LMX1B: variants seen among roughly 807,000 people sequenced by gnomAD.
LMX1B encodes LIM homeobox transcription factor 1-beta.
A neutral mutation model predicts 51.4 loss-of-function variants in LMX1B; 12 were observed. That is an observed-to-expected ratio of 0.23 (90% CI 0.15 to 0.38). The LOEUF (loss-of-function observed/expected upper bound fraction) is 0.38, where lower values mean the gene tolerates loss of function less well. LMX1B is among the 10% of genes least tolerant of loss of function. The probability of loss-of-function intolerance (pLI) is 1.00; values close to 1 mark genes in which losing one functional copy is unlikely to be tolerated. For missense variants in LMX1B, 445 were observed against 571.1 expected, an observed-to-expected ratio of 0.78 and a Z score of 2.25; for synonymous variants, 237 against 235.4, an observed-to-expected ratio of 1.01 and a Z score of -0.06.
chr9:126,664,184 CG>C (rs972004421), intron 2 of LMX1B, among the ~76,000 whole-genome samples: 71 of 152,228 alleles, frequency 4.7e-4, no homozygotes, highest in African/African-American at 1.5e-3. Context: ...CTGAGGCTGT[CG>C]GGGGGGTCTC....
chr9:126,683,544 C>G (rs1322896754), intron 2 of LMX1B, among the ~76,000 whole-genome samples: 1 of 152,128 alleles, frequency 6.6e-6, no homozygotes, highest in Non-Finnish European at 1.5e-5. Context: ...TGTCTAGGGT[C>G]CTGTCGCCTA....
intron 2 of LMX1B, among the ~76,000 whole-genome samples, chr9:126,632,998 G>A (rs1438598260): frequency 6.6e-6 from 1 of 152,222 alleles, no homozygotes; most frequent in Non-Finnish European, 1.5e-5. Flanking sequence ...ATTCCCACAT[G>A]TCCCAGACAC....
intron 2 of LMX1B, among the ~76,000 whole-genome samples, chr9:126,678,329 C>CAAAAAAA (rs942985684): frequency 6.8e-5 from 8 of 117,822 alleles, no homozygotes; most frequent in East Asian, 2.2e-4. Context: ...AAACAAAAAA[C>CAAAAAAA]AAAAAAAAAA....
At chr9:126,674,503 C>A (rs1322585955) in intron 2 of LMX1B, among the ~76,000 whole-genome samples, 1 of 152,200 alleles carries the variant, frequency 6.6e-6, no homozygotes, top group East Asian at 1.9e-4. Flanking sequence ...TCTTGGTCAT[C>A]AGAGAGCCTG....
intron 2 of LMX1B, among the ~76,000 whole-genome samples, chr9:126,681,573 GCC>G (rs35980483): frequency 1.3e-5 from 2 of 151,632 alleles, no homozygotes; most frequent in Non-Finnish European, 2.9e-5. Context: ...CTAACCCGGT[GCC>G]CCCCCTACAG....
At chr9:126,682,156 G>C (rs1453636562) in intron 2 of LMX1B, among the ~76,000 whole-genome samples, 2 of 136,122 alleles carry the variant, frequency 1.5e-5, no homozygotes, top group Non-Finnish European at 3.0e-5. Flanking sequence ...TCAAACTCCT[G>C]GGCTCAAGCA....
intron 2 of LMX1B, among the ~76,000 whole-genome samples, chr9:126,684,528 G>T (rs532686372): frequency 6.6e-6 from 1 of 152,198 alleles, no homozygotes; most frequent in Non-Finnish European, 1.5e-5. Context: ...GAGAAGGGAT[G>T]TGAATCACCC....
At position 126,658,220 on chromosome 9, in the gene LMX1B, G is replaced by A. The variant is rs1180799919; in HGVS notation, c.327-32616G>A. On this transcript the variant is annotated intron_variant, in intron 2 of 7. Transcript: ENST00000373474. The surrounding 1 kb of genome is among the most constrained non-coding windows in gnomAD (Gnocchi z 4.0). ...TTGTAGGAGTGGGACAGGGCAGGAG[G>A]GGGGTGAGTCTACAAAGGGTACCAA... is the stretch of plus-strand genomic sequence containing the variant. 1.3e-5 allele frequency among the ~76,000 whole-genome samples: 2 copies of A among 152,060 alleles called. No homozygotes were observed. Among genetic ancestry groups the A allele is most frequent in the Non-Finnish European group, 2.9e-5 (2 of 68,000 alleles).
At chr9:126,665,865 G>A (rs1431068557) in intron 2 of LMX1B, among the ~76,000 whole-genome samples, 3 of 151,996 alleles carry the variant, frequency 2.0e-5, no homozygotes, top group Non-Finnish European at 4.4e-5. Context: ...CAAGGCCAGC[G>A]TGGGCCCTCC....
At chr9:126,687,941 C>T (rs745754197) in intron 2 of LMX1B, among the ~76,000 whole-genome samples, 8 of 152,158 alleles carry the variant, frequency 5.3e-5, no homozygotes, top group South Asian at 2.1e-4. Context: ...CTCCCATACA[C>T]GCCATTAGTC....
At chr9:126,675,247 TTG>T (rs1305261021) in intron 2 of LMX1B, among the ~76,000 whole-genome samples, 7 of 152,084 alleles carry the variant, frequency 4.6e-5, no homozygotes, top group African/African-American at 1.7e-4. Context: ...GTATGTGGGC[TTG>T]TGTATGTGTG....
chr9:126,621,282 TGTCA>T (rs1835405692), intron 2 of LMX1B, among the ~76,000 whole-genome samples: 1 of 152,364 alleles, frequency 6.6e-6, no homozygotes, highest in East Asian at 1.9e-4. Flanking sequence ...GCGTGTGAGC[TGTCA>T]GTCAGTTGGG....
chr9:126,660,189 G>T (rs1836214168), intron 2 of LMX1B, among the ~76,000 whole-genome samples: 2 of 151,190 alleles, frequency 1.3e-5, no homozygotes, highest in East Asian at 3.9e-4. Context: ...ATCTACACTG[G>T]CTTCAGAGGT....
rs763348861 is a variant in LMX1B, at chr9:126,671,322, T to C, written c.327-19514T>C. On this transcript the variant is annotated intron_variant, in intron 2 of 7. Transcript: ENST00000373474. The surrounding 1 kb of genome is among the most constrained non-coding windows in gnomAD (Gnocchi z 4.4). ...TTTGCATTGTGAAAACCCACAAATA[T>C]CAGCTAAATGAGGTGCGCCAGCAGA... 6.6e-6 allele frequency among the ~76,000 whole-genome samples: 1 copy of C among 152,016 alleles called. No homozygotes were observed. Among genetic ancestry groups the C allele is most frequent in the Non-Finnish European group, 1.5e-5 (1 of 68,002 alleles).
chr9:126,635,652 CG>C (rs1200367283), intron 2 of LMX1B, among the ~76,000 whole-genome samples: 5 of 152,172 alleles, frequency 3.3e-5, no homozygotes, highest in Non-Finnish European at 5.9e-5. Context: ...TTCCAGCAAA[CG>C]GGGAAATGAT....
intron 2 of LMX1B, among the ~76,000 whole-genome samples, chr9:126,637,950 C>T (rs1202419779): frequency 2.0e-5 from 3 of 151,988 alleles, no homozygotes; most frequent in Non-Finnish European, 2.9e-5. Context: ...GGGCCCCCTC[C>T]GACCATGGGC....
chr9:126,683,878 C>T (rs1001298806), intron 2 of LMX1B, among the ~76,000 whole-genome samples: 1 of 152,174 alleles, frequency 6.6e-6, no homozygotes, highest in Admixed American at 6.5e-5. Flanking sequence ...GCTCCAGAAC[C>T]GGGTTCTTAG....
chr9:126,646,759 C>T (rs117185661), intron 2 of LMX1B, among the ~76,000 whole-genome samples: 2 of 152,232 alleles, frequency 1.3e-5, no homozygotes, highest in Non-Finnish European at 2.9e-5. Flanking sequence ...CCTGTGCAGA[C>T]CCTGCCCTTT....
In LMX1B at chr9:126,699,790, C is replaced by T. The variant is rs1175056116; in HGVS notation, c.*3339C>T. The T allele has an allele frequency of 1.3e-5, 2 of 152,250 alleles. No individual in the cohort carries two copies. The highest frequency in any genetic ancestry group is 4.8e-5 in the African/African-American group (2 of 41,440). 9.4% of individuals were successfully genotyped at this position (152,250 alleles called of 1,614,324 possible). A position where few individuals can be genotyped will look rare whatever the true frequency, so the allele number is the denominator to read the frequency against. ...GTGTTCAGGGCCACCCAGCAGAAGCCTGTGGGGCTGGGCAACCTTCTCCCA... is the reference window on the plus strand; with the variant it reads ...GTGTTCAGGGCCACCCAGCAGAAGCTTGTGGGGCTGGGCAACCTTCTCCCA... On this transcript the variant is annotated 3_prime_UTR_variant, in exon 8 of 8. Coordinates refer to ENST00000373474, the MANE Select transcript of LMX1B (RefSeq NM_001174147.2).
Sources: gnomAD v4.1 joint callset for allele counts (sites outside exome capture counted in the v4.1 genomes callset) on GRCh38, gnomAD v4.1.1 for gene constraint, Gnocchi (gnomAD v3.1) non-coding constraint, MANE v1.5 for transcripts, NCBI Gene and HGNC (gene_info 2026-07-23, HGNC 2026-07-21) for gene names.